Variants in SLC26A7 observed in about 807,000 individuals in gnomAD.
SLC26A7 encodes the protein solute carrier family 26 member 7.
A neutral mutation model predicts 82.5 loss-of-function variants in SLC26A7; 59 were observed. The observed-to-expected ratio is 0.72, with a 90% confidence interval of 0.58 to 0.89. SLC26A7 has a LOEUF of 0.89. SLC26A7 is among the 40% of genes least tolerant of loss of function. The probability of loss-of-function intolerance (pLI) is 0.00; values close to 1 mark genes in which losing one functional copy is unlikely to be tolerated. For missense variants in SLC26A7, 820 were observed against 793.0 expected (o/e 1.03, Z -0.41); for synonymous variants, 271 against 274.3 (o/e 0.99, Z 0.12).
chr8:91,368,432 T>G (rs533522687), intron 14 of SLC26A7, among the ~76,000 whole-genome samples: 58 of 151,768 alleles, frequency 3.8e-4, no homozygotes, highest in Middle Eastern at 3.4e-3. Context: ...TTTGTTTTTT[T>G]TTTTGAGACG....
At chr8:91,265,041 TC>T (rs924714886) in intron 2 of SLC26A7, among the ~76,000 whole-genome samples, 7 of 151,974 alleles carry the variant, frequency 4.6e-5, no homozygotes, top group Admixed American at 3.3e-4. Flanking sequence ...CCACTCCCTC[TC>T]CCCCATCCCC....
At chr8:91,333,951 C>G (rs1011585208) in intron 5 of SLC26A7, among the ~76,000 whole-genome samples, 1 of 152,058 alleles carries the variant, frequency 6.6e-6, no homozygotes, top group Non-Finnish European at 1.5e-5. Flanking sequence ...ACCCATGGTC[C>G]CCTGACCGCT....
upstream of SLC26A7, among the ~76,000 whole-genome samples, chr8:91,244,639 G>A (rs1370218684): frequency 1.3e-5 from 2 of 151,708 alleles, no homozygotes; most frequent in African/African-American, 4.8e-5. Context: ...GAGTAGCTGG[G>A]ACCACAGGCA....
At chr8:91,232,485 A>G (rs1007506763) in intron 2 of SLC26A7, among the ~76,000 whole-genome samples, 4 of 152,236 alleles carry the variant, frequency 2.6e-5, no homozygotes, top group Non-Finnish European at 5.9e-5. Context: ...AATATTAAGT[A>G]TATTCCCTTT....
At chr8:91,381,996 T>C (rs892586988) in intron 15 of SLC26A7, among the ~76,000 whole-genome samples, 2 of 152,154 alleles carry the variant, frequency 1.3e-5, no homozygotes, top group African/African-American at 4.8e-5. Flanking sequence ...TTGTATTCTA[T>C]AGATAGAAAA....
At chr8:91,327,572 G>A (rs1812967813) in intron 5 of SLC26A7, among the ~76,000 whole-genome samples, 1 of 152,044 alleles carries the variant, frequency 6.6e-6, no homozygotes, top group African/African-American at 2.4e-5. Context: ...TGTGGTAGCT[G>A]GCATATATGG....
intron 2 of SLC26A7, among the ~76,000 whole-genome samples, chr8:91,241,682 A>G (rs1810475837): frequency 6.6e-6 from 1 of 152,152 alleles, no homozygotes; most frequent in Non-Finnish European, 1.5e-5. Flanking sequence ...ACACTTACTC[A>G]TATTTCTATG....
At chr8:91,289,884 T>C (rs893110797) in intron 3 of SLC26A7, among the ~76,000 whole-genome samples, 4 of 152,140 alleles carry the variant, frequency 2.6e-5, no homozygotes, top group African/African-American at 9.7e-5. Context: ...AAAGAAAATA[T>C]GAGGGGTGAT....
At chr8:91,242,537 G>T (rs1004705158) in intron 2 of SLC26A7, among the ~76,000 whole-genome samples, 6 of 152,126 alleles carry the variant, frequency 3.9e-5, no homozygotes, top group Admixed American at 3.3e-4. Context: ...CAGGGCCTCT[G>T]GGAGGCAGTT....
chr8:91,233,758 T>G (rs2130676777), intron 2 of SLC26A7, among the ~76,000 whole-genome samples: 1 of 152,304 alleles, frequency 6.6e-6, no homozygotes, highest in East Asian at 1.9e-4. Flanking sequence ...TGTGTTTTAT[T>G]TTCAGTTCAC....
rs893799965 is a variant in SLC26A7 at position 91,389,551 on chromosome 8, C to G, written c.1776+113C>G. 13 of 766,866 alleles carry G rather than the reference C, an allele frequency of 1.7e-5. No individual in the cohort carries two copies. In the African/African-American group the frequency reaches 2.1e-4, roughly 12 times the overall value. 47.5% of individuals were successfully genotyped at this position (766,866 alleles called of 1,614,324 possible). On this transcript the variant is annotated intron_variant, in intron 16 of 18. Transcript: ENST00000276609. ...CTGCTTGTTGCAATACTCATCTCAC[C>G]CCATTATTTACAAAGGACGTAGAAC...
intron 9 of SLC26A7, among the ~76,000 whole-genome samples, chr8:91,350,900 A>G (rs1813696778): frequency 6.6e-6 from 1 of 152,160 alleles, no homozygotes; most frequent in Non-Finnish European, 1.5e-5. Context: ...TAGCTGTACC[A>G]TATTGTATTC....
intron 5 of SLC26A7, among the ~76,000 whole-genome samples, chr8:91,321,446 A>C (rs1375631996): frequency 6.6e-6 from 1 of 152,200 alleles, no homozygotes; most frequent in Non-Finnish European, 1.5e-5. Context: ...GAAAGTTGTT[A>C]AAGAGTTTCC....
At chr8:91,392,694 G>A (rs1415310759) in intron 16 of SLC26A7, among the ~76,000 whole-genome samples, 2 of 152,084 alleles carry the variant, frequency 1.3e-5, no homozygotes, top group Non-Finnish European at 2.9e-5. Context: ...CGTTCTCTTG[G>A]GAGTTGTAGG....
At chr8:91,336,627 C>A (rs968182588) in intron 6 of SLC26A7, among the ~76,000 whole-genome samples, 2 of 151,982 alleles carry the variant, frequency 1.3e-5, no homozygotes, top group Non-Finnish European at 2.9e-5. Flanking sequence ...GGGGTGCAAT[C>A]CCCCCCTTGC....
upstream of SLC26A7, among the ~76,000 whole-genome samples, chr8:91,245,801 G>A (rs1810537517): frequency 6.6e-6 from 1 of 152,266 alleles, no homozygotes; most frequent in South Asian, 2.1e-4. Context: ...TTTCTCAAAA[G>A]TCTGTTTCTT....
intron 8 of SLC26A7, 21 bp downstream of exon 8, chr8:91,340,572 C>T (rs1182732899): frequency 1.2e-6 from 2 of 1,613,510 alleles, no homozygotes; most frequent in Admixed American, 1.7e-5. Context: ...CCCCCAGTCC[C>T]TCTCCACTCC....
At chr8:91,281,981 T>C (rs973187960) in intron 2 of SLC26A7, among the ~76,000 whole-genome samples, 9 of 152,210 alleles carry the variant, frequency 5.9e-5, no homozygotes, top group African/African-American at 2.2e-4. Context: ...GTCACACTTA[T>C]TGAGGTAAAA....
chr8:91,235,562 G>C (rs1225847482), intron 2 of SLC26A7, among the ~76,000 whole-genome samples: 1 of 152,104 alleles, frequency 6.6e-6, no homozygotes, highest in Non-Finnish European at 1.5e-5. Flanking sequence ...TGGGGGAAGA[G>C]AAAACTGCAA....
Sources: allele counts gnomAD v4.1 joint callset (sites outside exome capture counted in the v4.1 genomes callset), GRCh38; gene constraint gnomAD v4.1.1; transcripts MANE v1.5; gene names NCBI Gene and HGNC (gene_info 2026-07-23, HGNC 2026-07-21).